MITF: variants seen among roughly 807,000 people sequenced by gnomAD.
The protein encoded by MITF is melanocyte inducing transcription factor, also known as microphthalmia-associated transcription factor.
A neutral mutation model predicts 60.5 loss-of-function variants in MITF; 17 were observed. That is an observed-to-expected ratio of 0.28 (90% CI 0.19 to 0.42). The LOEUF (loss-of-function observed/expected upper bound fraction) is 0.42. Among genes scored for constraint, MITF ranks in the 10% least tolerant of loss-of-function variants. MITF has a pLI of 1.00. For missense variants in MITF, 622 were observed against 683.5 expected (o/e 0.91, Z 1.00); for synonymous variants, 260 against 248.5 (o/e 1.05, Z -0.43).
At chr3:69,938,651 C>G in intron 3 of MITF, 1 of 1,335,212 alleles carries the variant, frequency 7.5e-7, no homozygotes, top group South Asian at 1.9e-5. Flanking sequence ...GGATTGGAAA[C>G]AAGACTCAAA....
At chr3:69,825,940 G>A (rs574608504) in intron 1 of MITF, among the ~76,000 whole-genome samples, 1 of 151,974 alleles carries the variant, frequency 6.6e-6, no homozygotes, top group Admixed American at 6.6e-5. Context: ...TACAAAACTT[G>A]GAAAAATATG....
In MITF at chr3:69,968,026, G is replaced by A; in HGVS notation, c.*2778G>A. The A allele has an allele frequency of 4.3e-6, 1 of 233,330 alleles. No homozygotes were observed. Among genetic ancestry groups the A allele is most frequent in the Non-Finnish European group, 8.5e-6 (1 of 117,946 alleles). The allele number at this position is 233,330 out of a possible 1,614,324, so 14.5% of individuals were successfully genotyped here. A position where few individuals can be genotyped will look rare whatever the true frequency, so the allele number is the denominator to read the frequency against. ...TTGTTTTTAAACAATAAAGCAATAA[G>A]AACAAATACAATACATAGGAAGTTA... On this transcript the variant is annotated 3_prime_UTR_variant, in exon 10 of 10. Transcript: ENST00000352241.
At chr3:69,863,918 C>A (rs1219709385) in intron 1 of MITF, among the ~76,000 whole-genome samples, 1 of 152,024 alleles carries the variant, frequency 6.6e-6, no homozygotes, top group Non-Finnish European at 1.5e-5. Flanking sequence ...CCTATCCTTT[C>A]TTTATTTCTT....
At chr3:69,941,778 T>C (rs560540397) in intron 5 of MITF, among the ~76,000 whole-genome samples, 4 of 152,212 alleles carry the variant, frequency 2.6e-5, no homozygotes, top group Non-Finnish European at 5.9e-5. Context: ...GCAAAATCTA[T>C]TCCAACCTCA....
chr3:69,856,164 C>G (rs985194873), intron 1 of MITF, among the ~76,000 whole-genome samples: 1 of 152,144 alleles, frequency 6.6e-6, no homozygotes, highest in Non-Finnish European at 1.5e-5. Context: ...TGTGTTTAAT[C>G]TCGTTTCCAC....
At chr3:69,915,388 T>C (rs551808081) in intron 2 of MITF, among the ~76,000 whole-genome samples, 6 of 152,158 alleles carry the variant, frequency 3.9e-5, no homozygotes, top group African/African-American at 1.4e-4. Flanking sequence ...ATCATAAGCA[T>C]AATAAAAATG....
intron 2 of MITF, among the ~76,000 whole-genome samples, chr3:69,886,701 C>T (rs2064626977): frequency 6.6e-6 from 1 of 151,978 alleles, no homozygotes; most frequent in African/African-American, 2.4e-5. Flanking sequence ...TGAGTCTCCA[C>T]AATATGCCAG....
intron 2 of MITF, among the ~76,000 whole-genome samples, chr3:69,900,173 A>G (rs904657898): frequency 6.6e-6 from 1 of 152,128 alleles, no homozygotes; most frequent in Non-Finnish European, 1.5e-5. Flanking sequence ...GTGGAGGCAG[A>G]AAACAGTGAC....
intron 1 of MITF, among the ~76,000 whole-genome samples, chr3:69,757,253 CAT>C (rs1253445919): frequency 1.3e-5 from 2 of 152,142 alleles, no homozygotes; most frequent in Non-Finnish European, 2.9e-5. Context: ...TTCATACAAA[CAT>C]ATGTAGGATT....
rs558260081 is a variant in MITF, at chr3:69,801,113, T to C, written c.104+61412T>C. Among the ~76,000 whole-genome samples, 73 of 151,778 alleles carry C rather than the reference T, an allele frequency of 4.8e-4. 1 individual carries two copies. In the South Asian group the frequency reaches 0.015, roughly 32 times the overall value. ...TCCTTATATGCTGTTACCGTGAAGG[T>C]TGTTCATTTGTACACTAATCTTGGA... On this transcript the variant is annotated intron_variant, in intron 1 of 9. Coordinates refer to ENST00000352241, the MANE Select transcript of MITF (RefSeq NM_001354604.2).
intron 2 of MITF, among the ~76,000 whole-genome samples, chr3:69,911,578 G>A (rs1419066904): frequency 6.6e-6 from 1 of 152,076 alleles, no homozygotes; most frequent in Non-Finnish European, 1.5e-5. Flanking sequence ...AACAAGTGTA[G>A]GATTAGTACC....
At chr3:69,816,035 T>G (rs191851610) in intron 1 of MITF, among the ~76,000 whole-genome samples, 300 of 152,310 alleles carry the variant, frequency 2.0e-3, no homozygotes, top group Non-Finnish European at 3.6e-3. Context: ...AGGTTGGAAC[T>G]TGAATGTTTC....
chr3:69,831,896 C>T (rs1354939624), intron 1 of MITF, among the ~76,000 whole-genome samples: 2 of 152,066 alleles, frequency 1.3e-5, no homozygotes, highest in Admixed American at 6.6e-5. Context: ...AGTGGTGGAA[C>T]GGTGCCCGAG....
At position 69,813,993 on chromosome 3, in the gene MITF, C is replaced by T. The variant is rs1405474698; in HGVS notation, c.105-65141C>T. On this transcript the variant is annotated intron_variant, in intron 1 of 9. Coordinates refer to ENST00000352241, the MANE Select transcript of MITF (RefSeq NM_001354604.2). ...TATGGTTCATCATTGTTTCATATGC[C>T]CTTCAGTCCATGAGGTAAATGGTGG... is the stretch of plus-strand genomic sequence containing the variant. Among the ~76,000 whole-genome samples the T allele has an allele frequency of 2.0e-5, 3 of 151,972 alleles. No individual in the cohort carries two copies. The East Asian group carries it at 5.8e-4, about 29-fold the overall frequency.
chr3:69,765,564 A>G (rs1559616936), intron 1 of MITF, among the ~76,000 whole-genome samples: 1 of 152,182 alleles, frequency 6.6e-6, no homozygotes, highest in East Asian at 1.9e-4. Context: ...CCTCATTTTT[A>G]AAAAGAAAAA....
At chr3:69,957,902 G>T (rs1239566443) in intron 8 of MITF, among the ~76,000 whole-genome samples, 1 of 152,184 alleles carries the variant, frequency 6.6e-6, no homozygotes, top group Non-Finnish European at 1.5e-5. Context: ...TCTAGAATGT[G>T]CCTTGGGGCT....
chr3:69,883,452 G>C (rs553827686), intron 2 of MITF, among the ~76,000 whole-genome samples: 1 of 152,290 alleles, frequency 6.6e-6, no homozygotes, highest in South Asian at 2.1e-4. Flanking sequence ...TGAGGGGAAG[G>C]GTTAATGGCT....
chr3:69,816,473 A>G (rs1231267874), intron 1 of MITF, among the ~76,000 whole-genome samples: 2 of 152,156 alleles, frequency 1.3e-5, no homozygotes, highest in Non-Finnish European at 2.9e-5. Context: ...CTTGTTTCAT[A>G]TATTTTTGTC....
intron 1 of MITF, among the ~76,000 whole-genome samples, chr3:69,829,022 T>G (rs2063402833): frequency 6.6e-6 from 1 of 152,138 alleles, no homozygotes; most frequent in Non-Finnish European, 1.5e-5. Context: ...GACTGCTTCA[T>G]GAACTGTGTG....
Sources: allele counts gnomAD v4.1 joint callset (sites outside exome capture counted in the v4.1 genomes callset), GRCh38; gene constraint gnomAD v4.1.1; transcripts MANE v1.5; gene names NCBI Gene and HGNC (gene_info 2026-07-23, HGNC 2026-07-21).